Variants in PLEKHS1 observed in about 807,000 individuals in gnomAD.
PLEKHS1 encodes the protein pleckstrin homology domain-containing family S member 1.
PLEKHS1 carries 55 observed loss-of-function variants against 51.0 expected under a neutral mutation model. The observed-to-expected ratio is 1.08, with a 90% CI of 0.87 to 1.35. The LOEUF (loss-of-function observed/expected upper bound fraction) is 1.35. Ranked by LOEUF, PLEKHS1 falls within the 40% of genes most tolerant of loss-of-function variation. The pLI, the probability that PLEKHS1 is intolerant of heterozygous loss-of-function variation, is 0.00. For missense variants in PLEKHS1, 398 were observed against 423.0 expected, an observed-to-expected ratio of 0.94 and a Z score of 0.52; for synonymous variants, 153 against 144.8, an observed-to-expected ratio of 1.06 and a Z score of -0.41.
downstream of PLEKHS1, chr10:113,782,822 G>A (rs1844897827): frequency 6.6e-6 from 1 of 152,136 alleles, no homozygotes; most frequent in South Asian, 2.1e-4. Flanking sequence ...TTTATTTAAT[G>A]TGAGAACGCA....
chr10:113,763,300 G>T (rs1466237059), intron 2 of PLEKHS1, among the ~76,000 whole-genome samples: 1 of 151,932 alleles, frequency 6.6e-6, no homozygotes, highest in Non-Finnish European at 1.5e-5. Context: ...TTTTTTTCCA[G>T]TTATTTCCTT....
chr10:113,780,688 T>C, exon 12 of PLEKHS1: 1 of 1,613,502 alleles, frequency 6.2e-7, no homozygotes, highest in Non-Finnish European at 8.5e-7. Flanking sequence ...GCCAAAGTGC[T>C]GCACCTTCTC....
chr10:113,771,909 A>G, intron 7 of PLEKHS1, 61 bp from the exon 8 acceptor site: 1 of 1,553,430 alleles, frequency 6.4e-7, no homozygotes, highest in Non-Finnish European at 8.7e-7. Context: ...TCTAGAATGC[A>G]TGTGATTTAA....
chr10:113,764,241 C>T (rs768378374), intron 2 of PLEKHS1, among the ~76,000 whole-genome samples: 1 of 152,126 alleles, frequency 6.6e-6, no homozygotes, highest in Non-Finnish European at 1.5e-5. Context: ...GCTGGGACTA[C>T]AGGCTTGCAC....
intron 11 of PLEKHS1, 109 bp downstream of exon 12, chr10:113,777,368 A>T: frequency 6.2e-7 from 1 of 1,609,158 alleles, no homozygotes; most frequent in Non-Finnish European, 8.5e-7. Flanking sequence ...AAGGTTCCTC[A>T]TTCTTCCACC....
intron 2 of PLEKHS1, among the ~76,000 whole-genome samples, chr10:113,758,948 C>T (rs921864221): frequency 4.0e-5 from 6 of 151,856 alleles, no homozygotes; most frequent in African/African-American, 1.5e-4. Flanking sequence ...AGCATATGCT[C>T]TTGAAAAAAT....
intron 7 of PLEKHS1, among the ~76,000 whole-genome samples, chr10:113,771,765 AG>A (rs1411804887): frequency 2.0e-5 from 3 of 151,636 alleles, no homozygotes; most frequent in Admixed American, 2.0e-4. Flanking sequence ...AAAAAGCCTG[AG>A]TGATGTGCTT....
At chr10:113,780,221 G>A (rs540168364) in intron 11 of PLEKHS1, among the ~76,000 whole-genome samples, 1 of 152,288 alleles carries the variant, frequency 6.6e-6, no homozygotes, top group South Asian at 2.1e-4. Context: ...CAGGTTGCAG[G>A]AGAAACTGAT....
rs758041279 is a variant in PLEKHS1 at position 113,774,882 on chromosome 10, C to CA, written c.836_837insA (p.Leu280ProfsTer19). 8.1e-6 allele frequency: 13 copies of CA among 1,614,042 alleles called. No individual in the cohort carries two copies. The highest frequency in any genetic ancestry group is 1.6e-4 in the Middle Eastern group (1 of 6,084). Reference sequence around the variant, plus strand: ...GATAGCAGCAAAGAGGAACCCCAGACCCTTCCAGAGACCCAGGATGGGGAC... The same window carrying CA: ...GATAGCAGCAAAGAGGAACCCCAGACACCTTCCAGAGACCCAGGATGGGGAC... On this transcript the variant is annotated frameshift_variant, in exon 10 of 12. Coordinates refer to ENST00000361048, the Ensembl canonical transcript of PLEKHS1. LOFTEE classifies it high-confidence loss of function.
chr10:113,772,335 G>A (rs1254192900), intron 8 of PLEKHS1, among the ~76,000 whole-genome samples: 2 of 152,164 alleles, frequency 1.3e-5, no homozygotes, highest in Non-Finnish European at 2.9e-5. Context: ...AGGAGGAGAT[G>A]ACTTTCAAAC....
chr10:113,782,446 C>A (rs1452458305), downstream of PLEKHS1: 1 of 152,290 alleles, frequency 6.6e-6, no homozygotes, highest in East Asian at 1.9e-4. Flanking sequence ...CGGTTTGGAT[C>A]TGTGTCCCTA....
chr10:113,764,657 A>G lies in PLEKHS1; in HGVS notation c.29-1754A>G, dbSNP rs148940387. Among the ~76,000 whole-genome samples, 5 of 152,244 alleles carry G rather than the reference A, an allele frequency of 3.3e-5. No homozygotes were observed. The East Asian group carries it at 9.6e-4, about 29-fold the overall frequency. On this transcript the variant is annotated intron_variant, in intron 2 of 11. Coordinates refer to ENST00000361048, the Ensembl canonical transcript of PLEKHS1. ...ATAGTTTTAGGTTTATAAAATTGTTAGCATTATTACTTCAGATATTTTTTA... is the reference window on the plus strand; with the variant it reads ...ATAGTTTTAGGTTTATAAAATTGTTGGCATTATTACTTCAGATATTTTTTA...
chr10:113,772,184 G>A (rs1844443270), intron 8 of PLEKHS1, 95 bp downstream of exon 8: 2 of 1,349,890 alleles, frequency 1.5e-6, no homozygotes, highest in Middle Eastern at 1.8e-4. Flanking sequence ...GCTATGGTCA[G>A]TGGGAACACA....
intron 11 of PLEKHS1, among the ~76,000 whole-genome samples, chr10:113,779,397 C>T (rs1031974094): frequency 3.3e-5 from 5 of 152,026 alleles, no homozygotes; most frequent in Admixed American, 6.5e-5. Context: ...AGTGAAACCC[C>T]GTCTGTATGA....
At chr10:113,782,708 G>A (rs1844896521), downstream of PLEKHS1, 1 of 152,600 alleles carries the variant, frequency 6.6e-6, no homozygotes, top group Non-Finnish European at 1.5e-5. Flanking sequence ...AAAGCTTCCT[G>A]AGGTCTCCCC....
At chr10:113,774,249 G>T in exon 9 of PLEKHS1, 2 of 1,599,146 alleles carry the variant, frequency 1.3e-6, no homozygotes, top group African/African-American at 2.7e-5. Context: ...ATTGCTTCCA[G>T]TGATTCTGGT....
At chr10:113,771,986 G>A in exon 8 of PLEKHS1, 2 of 1,612,324 alleles carry the variant, frequency 1.2e-6, no homozygotes, top group African/African-American at 1.3e-5. Flanking sequence ...ATGGAACAAA[G>A]TTCTCCAGGA....
exon 8 of PLEKHS1, chr10:113,772,030 G>A (rs1844433976): frequency 6.2e-7 from 1 of 1,613,900 alleles, no homozygotes. Context: ...TTTATCAGAA[G>A]CCACTCAAGA....
At chr10:113,758,641 G>A (rs1362643484) in intron 2 of PLEKHS1, among the ~76,000 whole-genome samples, 2 of 152,032 alleles carry the variant, frequency 1.3e-5, no homozygotes, top group South Asian at 2.1e-4. Flanking sequence ...CTTGACACTC[G>A]CCTTCACTTA....
Sources: allele counts gnomAD v4.1 joint callset (sites outside exome capture counted in the v4.1 genomes callset), GRCh38; gene constraint gnomAD v4.1.1; transcripts MANE v1.5; gene names NCBI Gene and HGNC (gene_info 2026-07-23, HGNC 2026-07-21).